The following ENO1 variants were observed in gnomAD, a reference collection of about 807,000 sequenced individuals.
ENO1 encodes the protein enolase 1, also known as alpha-enolase.
Under a neutral mutation model 46.3 loss-of-function variants are expected in ENO1, and 33 were observed. That is an observed-to-expected ratio of 0.71 (90% CI 0.54 to 0.95). ENO1 has a LOEUF of 0.95. ENO1 is among the 40% of genes least tolerant of loss of function. ENO1 has a pLI of 0.00. For synonymous variants in ENO1, 220 were observed against 216.0 expected (o/e 1.02, Z -0.16); for missense variants, 488 against 553.3 (o/e 0.88, Z 1.18).
intron 4 of ENO1, among the ~76,000 whole-genome samples, chr1:8,868,982 C>T (rs1642577863): frequency 6.6e-6 from 1 of 152,162 alleles, no homozygotes; most frequent in Non-Finnish European, 1.5e-5. Context: ...GCCACTGCAC[C>T]CAGCCAAAAA....
chr1:8,873,932 A>G (rs1642682610), intron 2 of ENO1: 1 of 152,256 alleles, frequency 6.6e-6, no homozygotes, highest in South Asian at 2.1e-4. Context: ...TCTTAAAGGA[A>G]GGAGTTTCAC....
At chr1:8,862,127 G>A (rs954036137) in intron 11 of ENO1, among the ~76,000 whole-genome samples, 3 of 152,026 alleles carry the variant, frequency 2.0e-5, no homozygotes, top group East Asian at 1.9e-4. Flanking sequence ...CAGCCTGGGC[G>A]ACAGAGTGAG....
intron 7 of ENO1, 60 bp downstream of exon 7, chr1:8,866,219 C>T: frequency 1.3e-6 from 2 of 1,500,010 alleles, no homozygotes; most frequent in Non-Finnish European, 1.8e-6. Context: ...GGACGACCCC[C>T]CAACAGAGGG....
intron 4 of ENO1, among the ~76,000 whole-genome samples, chr1:8,868,542 T>C (rs1332454868): frequency 6.6e-6 from 1 of 152,206 alleles, no homozygotes; most frequent in East Asian, 1.9e-4. Context: ...GGAGGCATGA[T>C]TTCTGCAGGT....
Position 8,866,475 on chromosome 1 carries a change from A to C in ENO1, c.471T>G (p.Ser157=). 1 of 1,614,250 alleles carries C rather than the reference A, an allele frequency of 6.2e-7. No homozygotes were observed. The highest frequency in any genetic ancestry group is 8.5e-7 in the Non-Finnish European group (1 of 1,180,044). ...GCATGGCCAGCTTGTTGCCAGCATGAGAACCGCCATTGATGACATTGAACG... is the reference window on the plus strand; with the variant it reads ...GCATGGCCAGCTTGTTGCCAGCATGCGAACCGCCATTGATGACATTGAACG... ...VPAFNVINGG[S]HAGNKLAMQE... is the part of the protein sequence containing the mutation. The change falls in exon 7 of 12, where the codon TCT becomes TCG. Residue 157 remains serine, a synonymous_variant. Coordinates refer to ENST00000234590, the MANE Select transcript of ENO1 (RefSeq NM_001428.5).
Position 8,871,905 on chromosome 1 carries a change from C to T in ENO1, c.167G>A (p.Arg56His), listed in dbSNP as rs201990176. Residue 56 changes from arginine to histidine, a missense_variant, in exon 3 of 12, where the codon CGC becomes CAC. Transcript: ENST00000234590. ...ALELRDNDKT[R>H]YMGKGVSKAV... ...CTAAGGCTTACCCTTCCCCATATAG[C>T]GAGTCTTATCATTGTCCCGGAGCTC... The T allele has an allele frequency of 8.1e-5, 131 of 1,613,924 alleles. 1 individual carries two copies. Among genetic ancestry groups the T allele is most frequent in the Non-Finnish European group, 9.9e-5 (117 of 1,180,026 alleles).
chr1:8,870,435 C>G lies in ENO1; in HGVS notation c.240+17G>C, dbSNP rs200277735. 80 of 1,614,148 alleles carry G rather than the reference C, an allele frequency of 5.0e-5. No homozygotes were observed. The African/African-American group carries it at 6.9e-4, about 14-fold the overall frequency. On this transcript the variant is annotated intron_variant, in intron 4 of 11. Transcript: ENST00000234590. ...TGGTGGCATTAGACACATTAGTTAT[C>G]AGGAGGCAGGTCCTACCTTGCTAAC...
intron 2 of ENO1, among the ~76,000 whole-genome samples, chr1:8,874,133 A>T (rs28931268): frequency 2.6e-5 from 4 of 152,158 alleles, no homozygotes; most frequent in Admixed American, 2.6e-4. Flanking sequence ...AAGAGATACC[A>T]TCCTATCACA....
rs201513751 is a variant in ENO1, at chr1:8,870,488, G to A, written c.204C>T (p.His68=). ...GGGCAGGCGCAATAGTTTTATTGAT[G>A]TGCTCAACAGCCTTTGAGACACCTG... ...MGKGVSKAVE[H]INKTIAPALV... Residue 68 remains histidine (H), a synonymous_variant, in exon 4 of 12, where the codon CAC becomes CAT. Transcript: ENST00000234590. 1 of 1,614,194 alleles carries A rather than the reference G, an allele frequency of 6.2e-7. No homozygotes were observed. Among genetic ancestry groups the A allele is most frequent in the Non-Finnish European group, 8.5e-7 (1 of 1,180,032 alleles).
chr1:8,878,665 G>C lies in ENO1; in HGVS notation c.-95C>G. On this transcript the variant is annotated 5_prime_UTR_variant, in exon 1 of 12. Coordinates refer to ENST00000234590, the MANE Select transcript of ENO1 (RefSeq NM_001428.5). The stretch of plus-strand genomic sequence containing the variant: ...AACGTAAAGCCGGCGAGATCTCCGT[G>C]CTCCGGGTACCCACAGATACTGTCC... 2.2e-6 allele frequency: 1 copy of C among 456,086 alleles called. No individual in the cohort carries two copies. The highest frequency in any genetic ancestry group is 1.5e-5 in the South Asian group (1 of 64,568). 28.3% of individuals were successfully genotyped at this position (456,086 alleles called of 1,614,324 possible).
chr1:8,870,943 A>G lies in ENO1; in HGVS notation c.182-433T>C, dbSNP rs113587285. 1.0e-5 allele frequency: 13 copies of G among 1,251,900 alleles called. No homozygotes were observed. The African/African-American group carries it at 1.1e-4, about 10-fold the overall frequency. The allele number at this position is 1,251,900 out of a possible 1,614,324, so 77.5% of individuals were successfully genotyped here. ...GAGACTCAGAAGAGAACCGGTGATTAAGGACTGCGAGTGAGAGACAGTGAG... is the reference window on the plus strand; with the variant it reads ...GAGACTCAGAAGAGAACCGGTGATTGAGGACTGCGAGTGAGAGACAGTGAG... On this transcript the variant is annotated intron_variant, in intron 3 of 11. Coordinates refer to ENST00000234590, the MANE Select transcript of ENO1 (RefSeq NM_001428.5).
At chr1:8,871,695 C>T (rs551221918) in intron 3 of ENO1, 196 bp downstream of exon 3, 94 of 1,329,662 alleles carry the variant, frequency 7.1e-5, no homozygotes, top group African/African-American at 6.8e-4. Context: ...CATGCAGGCT[C>T]GGGAACCCCG....
At chr1:8,878,482 C>T (rs1255190041) in intron 1 of ENO1, 98 bp downstream of exon 1, 1 of 385,682 alleles carries the variant, frequency 2.6e-6, no homozygotes, top group African/African-American at 2.1e-5. Flanking sequence ...CACGCTGGGC[C>T]TGCGGGCGCG....
chr1:8,870,642 T>C, intron 3 of ENO1, 132 bp from the exon 4 acceptor site: 1 of 1,511,478 alleles, frequency 6.6e-7, no homozygotes, highest in Non-Finnish European at 8.9e-7. Context: ...CTCTTCCCCC[T>C]CTCCCCTTTC....
chr1:8,866,571 G>T, intron 6 of ENO1, 70 bp from the exon 7 acceptor site: 1 of 1,523,390 alleles, frequency 6.6e-7, no homozygotes, highest in East Asian at 2.3e-5. Flanking sequence ...AGCCCCTCTG[G>T]TCCTACCATC....
chr1:8,865,157 G>A (rs1642483486), intron 8 of ENO1, 128 bp downstream of exon 8: 11 of 1,139,844 alleles, frequency 9.7e-6, no homozygotes, highest in Non-Finnish European at 1.4e-5. Flanking sequence ...AATCCCCTAC[G>A]GGAGCTGGAA....
At chr1:8,864,173 G>C in intron 8 of ENO1, 81 bp from the exon 9 acceptor site, 2 of 1,492,902 alleles carry the variant, frequency 1.3e-6, no homozygotes, top group Non-Finnish European at 1.9e-6. Context: ...CTTCCCCCTT[G>C]ACTTGCTGCT....
intron 7 of ENO1, 184 bp downstream of exon 7, chr1:8,866,094 GA>G (rs1225174213): frequency 1.8e-5 from 8 of 450,910 alleles, no homozygotes; most frequent in Non-Finnish European, 2.3e-5. Flanking sequence ...AAAAAAAAAA[GA>G]AAAAAATAAG....
chr1:8,869,189 C>T (rs1054700914), intron 4 of ENO1, among the ~76,000 whole-genome samples: 1 of 151,674 alleles, frequency 6.6e-6, no homozygotes, highest in Admixed American at 6.6e-5. Context: ...CTTCAGAGGT[C>T]AATTCTCACT....
Sources: allele counts gnomAD v4.1 joint callset (sites outside exome capture counted in the v4.1 genomes callset), GRCh38; gene constraint gnomAD v4.1.1; transcripts MANE v1.5; gene names NCBI Gene and HGNC (gene_info 2026-07-23, HGNC 2026-07-21).